NPAS2: variants seen among roughly 807,000 people sequenced by gnomAD.
NPAS2 encodes neuronal PAS domain-containing protein 2.
In NPAS2, 23 loss-of-function variants were observed where a neutral mutation model predicts 107.5. That is an observed-to-expected ratio of 0.21 (90% confidence interval 0.15 to 0.30). NPAS2 has a LOEUF of 0.30. Ranked by LOEUF, NPAS2 falls within the 10% of genes least tolerant of loss-of-function variation. NPAS2 has a pLI of 1.00. For synonymous variants in NPAS2, 403 were observed against 417.5 expected, an observed-to-expected ratio of 0.97 and a Z score of 0.42; for missense variants, 756 against 1,043.3, an observed-to-expected ratio of 0.72 and a Z score of 3.79.
intron 7 of NPAS2, among the ~76,000 whole-genome samples, chr2:100,963,393 TG>T (rs1254073124): frequency 3.3e-5 from 5 of 150,478 alleles, no homozygotes; most frequent in Non-Finnish European, 7.4e-5. Context: ...TTTTTTTGTT[TG>T]TTTTGTTTTG....
intron 1 of NPAS2, among the ~76,000 whole-genome samples, chr2:100,896,968 A>G (rs1353067318): frequency 6.6e-6 from 1 of 152,214 alleles, no homozygotes; most frequent in Admixed American, 6.5e-5. Flanking sequence ...AAAGAGGTTT[A>G]ATTGATCCAC....
intron 14 of NPAS2, 35 bp downstream of exon 14, chr2:100,975,602 A>G: frequency 6.7e-7 from 1 of 1,494,004 alleles, no homozygotes; most frequent in Non-Finnish European, 9.2e-7. Context: ...CCACGGGTGT[A>G]CGCTACAATG....
chr2:100,846,439 G>A (rs1455085261), intron 1 of NPAS2, among the ~76,000 whole-genome samples: 1 of 152,154 alleles, frequency 6.6e-6, no homozygotes, highest in Non-Finnish European at 1.5e-5. Context: ...TTGTCTTTGT[G>A]TGTGTTTGTA....
At chr2:100,952,622 C>T (rs1011222807) in intron 7 of NPAS2, among the ~76,000 whole-genome samples, 10 of 152,084 alleles carry the variant, frequency 6.6e-5, no homozygotes, top group African/African-American at 2.4e-4. Context: ...TGGCGAACAG[C>T]AGTTGTATCC....
At chr2:100,872,228 A>G (rs1679629920) in intron 1 of NPAS2, among the ~76,000 whole-genome samples, 1 of 152,184 alleles carries the variant, frequency 6.6e-6, no homozygotes, top group Non-Finnish European at 1.5e-5. Context: ...AGAAGTGTGC[A>G]ACCTGGAATC....
intron 7 of NPAS2, among the ~76,000 whole-genome samples, chr2:100,954,181 A>G (rs576527595): frequency 6.6e-6 from 1 of 152,308 alleles, no homozygotes; most frequent in South Asian, 2.1e-4. Flanking sequence ...TGGTTAAGTC[A>G]GGGGACAGGG....
Position 100,820,893 on chromosome 2 carries a change from G to A in NPAS2, c.-23+479G>A. On this transcript the variant is annotated intron_variant, in intron 1 of 20. Coordinates refer to ENST00000335681, the MANE Select transcript of NPAS2 (RefSeq NM_002518.4). The surrounding 1 kb of genome is among the most constrained non-coding windows in gnomAD (Gnocchi z 5.6). ...GGGCCCGCGGTCTCTCGGAGTCCCT[G>A]GGTCGGAATTGGTTCCGGGCCGGAT... The A allele has an allele frequency of 4.2e-6, 2 of 471,578 alleles. No homozygotes were observed. The highest frequency in any genetic ancestry group is 7.2e-6 in the Non-Finnish European group (2 of 276,886). 29.2% of individuals were successfully genotyped at this position (471,578 alleles called of 1,614,324 possible).
chr2:100,826,520 A>G (rs1198846262), intron 1 of NPAS2, among the ~76,000 whole-genome samples: 1 of 152,236 alleles, frequency 6.6e-6, no homozygotes, highest in African/African-American at 2.4e-5. Context: ...TTAATATGGC[A>G]TGGATTTTTA....
intron 7 of NPAS2, among the ~76,000 whole-genome samples, chr2:100,953,946 G>A (rs1353483582): frequency 9.9e-5 from 15 of 152,226 alleles, no homozygotes; most frequent in Non-Finnish European, 1.5e-5. Flanking sequence ...GGAAATGACT[G>A]TCATGAAGGG....
At chr2:100,921,440 A>G (rs1200936699) in intron 2 of NPAS2, among the ~76,000 whole-genome samples, 1 of 152,172 alleles carries the variant, frequency 6.6e-6, no homozygotes, top group Non-Finnish European at 1.5e-5. Flanking sequence ...TGGACGCTTC[A>G]GAACCAGATA....
intron 12 of NPAS2, among the ~76,000 whole-genome samples, chr2:100,973,477 T>C (rs1676740806): frequency 6.6e-6 from 1 of 152,184 alleles, no homozygotes; most frequent in Non-Finnish European, 1.5e-5. Flanking sequence ...CTAAGGAGCC[T>C]GGTCAAAGGC....
chr2:100,873,591 C>T (rs1679763057), intron 1 of NPAS2, among the ~76,000 whole-genome samples: 1 of 151,860 alleles, frequency 6.6e-6, no homozygotes, highest in Admixed American at 6.6e-5. Flanking sequence ...CATAGATAGT[C>T]CTTTAAACCT....
chr2:100,980,093 T>C (rs1677340608), intron 15 of NPAS2, among the ~76,000 whole-genome samples: 1 of 152,176 alleles, frequency 6.6e-6, no homozygotes, highest in South Asian at 2.1e-4. Context: ...AGTAGCTCTC[T>C]TTATCAAAAA....
intron 1 of NPAS2, among the ~76,000 whole-genome samples, chr2:100,864,366 T>C (rs905341988): frequency 1.3e-5 from 2 of 152,226 alleles, no homozygotes; most frequent in Admixed American, 1.3e-4. Flanking sequence ...CAAATTTCCC[T>C]GATCTCTTCC....
chr2:100,993,086 C>A (rs1678231072), intron 19 of NPAS2, among the ~76,000 whole-genome samples: 1 of 152,000 alleles, frequency 6.6e-6, no homozygotes, highest in African/African-American at 2.4e-5. Flanking sequence ...CCCAACATGA[C>A]ACCTGGCTAA....
In NPAS2 at chr2:100,889,673, G is replaced by A. The variant is rs547703784; in HGVS notation, c.-22-15060G>A. 2.1e-4 allele frequency among the ~76,000 whole-genome samples: 32 copies of A among 152,182 alleles called. No individual in the cohort carries two copies. In the South Asian group the frequency reaches 6.7e-3, roughly 32 times the overall value. ...GGATCTAGTTTTATCAAGGTGGTGG[G>A]AGAAAGGCCTCACCAGGCAGCAATC... On this transcript the variant is annotated intron_variant, in intron 1 of 20. Coordinates refer to ENST00000335681, the MANE Select transcript of NPAS2 (RefSeq NM_002518.4).
At chr2:100,954,985 C>A (rs1675484404) in intron 7 of NPAS2, among the ~76,000 whole-genome samples, 1 of 151,738 alleles carries the variant, frequency 6.6e-6, no homozygotes, top group South Asian at 2.1e-4. Flanking sequence ...TCAAGCGATT[C>A]TCCTGCCTCG....
chr2:100,884,768 A>G (rs936613101), intron 1 of NPAS2, among the ~76,000 whole-genome samples: 3 of 152,200 alleles, frequency 2.0e-5, no homozygotes, highest in African/African-American at 4.8e-5. Flanking sequence ...GAAGGAGGAA[A>G]GACTCAAAGG....
At chr2:100,920,203 A>G (rs1683134912) in intron 2 of NPAS2, among the ~76,000 whole-genome samples, 1 of 152,172 alleles carries the variant, frequency 6.6e-6, no homozygotes, top group Admixed American at 6.5e-5. Flanking sequence ...TCAGTTAGAC[A>G]GGAGGAATCA....
Sources: allele counts gnomAD v4.1 joint callset (sites outside exome capture counted in the v4.1 genomes callset), GRCh38; gene constraint gnomAD v4.1.1; non-coding constraint Gnocchi (gnomAD v3.1); transcripts MANE v1.5; gene names NCBI Gene and HGNC (gene_info 2026-07-23, HGNC 2026-07-21).